The following TLN2 variants were observed in gnomAD, a reference collection of about 807,000 sequenced individuals.
TLN2 encodes talin 2.
In TLN2, 118 loss-of-function variants were observed where a neutral mutation model predicts 294.7. The observed-to-expected ratio is 0.40, with a 90% CI of 0.34 to 0.47. The LOEUF (loss-of-function observed/expected upper bound fraction) is 0.47, where lower values mean the gene tolerates loss of function less well. TLN2 is among the 20% of genes least tolerant of loss of function. TLN2 has a pLI of 0.84. For synonymous variants in TLN2, 1,431 were observed against 1,304.5 expected (o/e 1.10, Z -2.09); for missense variants, 3,083 against 3,282.2 (o/e 0.94, Z 1.48).
intron 2 of TLN2, among the ~76,000 whole-genome samples, chr15:62,601,563 TAG>T (rs1229691178): frequency 6.6e-6 from 1 of 152,248 alleles, no homozygotes; most frequent in Non-Finnish European, 1.5e-5. Flanking sequence ...ATAGTAACTG[TAG>T]ACTCTTTGTT....
At chr15:62,463,268 G>A (rs1415581959) in intron 1 of TLN2, among the ~76,000 whole-genome samples, 1 of 152,170 alleles carries the variant, frequency 6.6e-6, no homozygotes, top group Non-Finnish European at 1.5e-5. Flanking sequence ...CCACCTCTGT[G>A]TTCCCTTCTG....
chr15:62,630,836 A>G (rs1261932647), intron 3 of TLN2, among the ~76,000 whole-genome samples: 3 of 152,074 alleles, frequency 2.0e-5, no homozygotes, highest in South Asian at 2.1e-4. Context: ...TTCTGAGAAG[A>G]TGTCTTTTTC....
intron 42 of TLN2, 29 bp downstream of exon 42, chr15:62,771,163 T>G (rs2063328723): frequency 6.4e-7 from 1 of 1,562,644 alleles, no homozygotes; most frequent in African/African-American, 1.4e-5. Context: ...GGGACTCACT[T>G]AGGACCACTA....
At chr15:62,507,811 C>T (rs530540069) in intron 1 of TLN2, among the ~76,000 whole-genome samples, 1 of 152,342 alleles carries the variant, frequency 6.6e-6, no homozygotes, top group East Asian at 1.9e-4. Context: ...GTGCAGTGCA[C>T]AGTTTTGCCC....
chr15:62,452,869 T>G (rs2036241515), intron 1 of TLN2, among the ~76,000 whole-genome samples: 1 of 152,022 alleles, frequency 6.6e-6, no homozygotes, highest in African/African-American at 2.4e-5. Context: ...CTGTGTAGAA[T>G]GGACTGGCAG....
intron 30 of TLN2, 55 bp from the exon 31 acceptor site, chr15:62,739,293 A>G (rs2061190329): frequency 6.4e-6 from 10 of 1,552,786 alleles, no homozygotes; most frequent in South Asian, 3.7e-5. Context: ...CCTTCCTTTT[A>G]TCCCTCCCCT....
At chr15:62,504,846 T>TGTGTGTGTGTGTGTGTGTGA (rs1207922838) in intron 1 of TLN2, among the ~76,000 whole-genome samples, 2 of 144,392 alleles carry the variant, frequency 1.4e-5, no homozygotes, top group African/African-American at 5.3e-5. Context: ...TGTGTGTGTG[T>TGTGTGTGTGTGTGTGTGTGA]GAGAGAGAGA....
chr15:62,553,369 C>G (rs2042429340), intron 1 of TLN2, among the ~76,000 whole-genome samples: 1 of 152,052 alleles, frequency 6.6e-6, no homozygotes, highest in Non-Finnish European at 1.5e-5. Context: ...CCTGTAATCC[C>G]TGCTACTCAG....
At chr15:62,649,880 G>T (rs1044453859) in intron 4 of TLN2, 16 of 526,264 alleles carry the variant, frequency 3.0e-5, no homozygotes, top group African/African-American at 2.7e-4. Context: ...GACCTTATTT[G>T]TGGGTGTTGC....
chr15:62,408,436 A>G (rs978470956), intron 1 of TLN2, among the ~76,000 whole-genome samples: 1 of 152,226 alleles, frequency 6.6e-6, no homozygotes, highest in African/African-American at 2.4e-5. Context: ...GCTGCTGGTC[A>G]GAGGACCACA....
intron 1 of TLN2, among the ~76,000 whole-genome samples, chr15:62,582,246 A>ACACACACACACCCC (rs764248336): frequency 0.017 from 2,363 of 137,242 alleles, 91 homozygotes; most frequent in East Asian, 0.035. Flanking sequence ...ACACACACAC[A>ACACACACACACCCC]CATTCATGCC....
intron 3 of TLN2, among the ~76,000 whole-genome samples, chr15:62,626,407 C>G (rs1392779164): frequency 6.6e-6 from 1 of 152,184 alleles, no homozygotes; most frequent in African/African-American, 2.4e-5. Context: ...ATCTCTTGCT[C>G]CCTGGAATAT....
At chr15:62,447,710 G>A (rs768190697) in intron 1 of TLN2, among the ~76,000 whole-genome samples, 12 of 151,964 alleles carry the variant, frequency 7.9e-5, no homozygotes, top group African/African-American at 1.2e-4. Context: ...AGCCAGGATG[G>A]TCTCGATCTC....
At position 62,641,153 on chromosome 15, in the gene TLN2, T is replaced by G. The variant is rs138962371; in HGVS notation, c.-36-6122T>G. Among the ~76,000 whole-genome samples the G allele has an allele frequency of 1.7e-3, 266 of 152,250 alleles. 1 individual carries two copies. Among genetic ancestry groups the G allele is most frequent in the African/African-American group, 5.9e-3 (244 of 41,536 alleles). ...AGGGCTAACTAGAAGGTGAGCTCCA[T>G]GTAGACAGGAGTTGTACCTGTCTTT... is the stretch of plus-strand genomic sequence containing the variant. On this transcript the variant is annotated intron_variant, in intron 3 of 58. Coordinates refer to ENST00000636159, the MANE Select transcript of TLN2 (RefSeq NM_015059.3).
chr15:62,573,567 C>T (rs1166933322), intron 1 of TLN2, among the ~76,000 whole-genome samples: 3 of 152,058 alleles, frequency 2.0e-5, no homozygotes, highest in Non-Finnish European at 4.4e-5. Context: ...ACAGGGGTCC[C>T]GTGGGGCCAT....
At chr15:62,833,856 TC>T in intron 55 of TLN2, 1 of 491,626 alleles carries the variant, frequency 2.0e-6, no homozygotes. Flanking sequence ...AAGGAAAGCA[TC>T]CCATTCCAGG....
chr15:62,832,089 G>C (rs1354853193), intron 54 of TLN2: 2 of 143,038 alleles, frequency 1.4e-5, no homozygotes, highest in African/African-American at 2.6e-5. Context: ...TAAGGATAAA[G>C]ATAATTCCAA....
At chr15:62,540,249 A>G (rs1480466154) in intron 1 of TLN2, among the ~76,000 whole-genome samples, 1 of 152,150 alleles carries the variant, frequency 6.6e-6, no homozygotes, top group Non-Finnish European at 1.5e-5. Flanking sequence ...CTGAGGCAGG[A>G]GAATCGCTTG....
chr15:62,544,454 G>A (rs2041875402), intron 1 of TLN2, among the ~76,000 whole-genome samples: 1 of 152,206 alleles, frequency 6.6e-6, no homozygotes, highest in South Asian at 2.1e-4. Flanking sequence ...GTTGCTCATG[G>A]ATTCCTAGAA....
Sources: gnomAD v4.1 joint callset for allele counts (sites outside exome capture counted in the v4.1 genomes callset) on GRCh38, gnomAD v4.1.1 for gene constraint, MANE v1.5 for transcripts, NCBI Gene and HGNC (gene_info 2026-07-23, HGNC 2026-07-21) for gene names.